Variants in SPATA16 observed in about 807,000 individuals in gnomAD.
SPATA16 encodes the protein spermatogenesis associated 16, also known as spermatogenesis-associated protein 16.
SPATA16 carries 36 observed loss-of-function variants against 63.3 expected under a neutral mutation model. That is an observed-to-expected ratio of 0.57 (90% CI 0.44 to 0.75). The LOEUF (loss-of-function observed/expected upper bound fraction) is 0.75, where lower values mean the gene tolerates loss of function less well. Ranked by LOEUF, SPATA16 falls within the 30% of genes least tolerant of loss-of-function variation. The pLI is 0.00. For missense variants in SPATA16, 646 were observed against 679.3 expected (o/e 0.95, Z 0.54); for synonymous variants, 203 against 216.7 (o/e 0.94, Z 0.56).
At position 173,104,294 on chromosome 3, in the gene SPATA16, A is replaced by C. The variant is rs528006027; in HGVS notation, c.612+12826T>G. On this transcript the variant is annotated intron_variant, in intron 2 of 10. Transcript: ENST00000351008. ...AACCTCTGCTCATTACCCGGTTCCA[A>C]AGTCGCTTCCACAATTTTAGTTATC... Among the ~76,000 whole-genome samples, 44 of 152,264 alleles carry C rather than the reference A, an allele frequency of 2.9e-4. 1 individual carries two copies. The South Asian group carries it at 9.1e-3, about 32-fold the overall frequency.
At chr3:173,087,504 C>T (rs1187289525) in intron 2 of SPATA16, among the ~76,000 whole-genome samples, 5 of 152,090 alleles carry the variant, frequency 3.3e-5, no homozygotes, top group Non-Finnish European at 5.9e-5. Flanking sequence ...TTTTAATTGG[C>T]ACATTTAGCC....
At chr3:173,038,101 C>T (rs1423850983) in intron 3 of SPATA16, among the ~76,000 whole-genome samples, 3 of 151,984 alleles carry the variant, frequency 2.0e-5, no homozygotes. Context: ...CAAGAGATTT[C>T]TATCTGGAAA....
Position 173,117,812 on chromosome 3 carries a change from A to G in SPATA16, c.-18-63T>C, listed in dbSNP as rs545563544. 6 of 1,609,564 alleles carry G rather than the reference A, an allele frequency of 3.7e-6. No individual in the cohort carries two copies. The South Asian group carries it at 5.5e-5, about 15-fold the overall frequency. ...ATTTTGAATTCCAGTGGTTTAGACT[A>G]TAGTCAAATTCATTTTAAACACTAT... is the stretch of plus-strand genomic sequence containing the variant. On this transcript the variant is annotated intron_variant, in intron 1 of 10. Coordinates refer to ENST00000351008, the MANE Select transcript of SPATA16 (RefSeq NM_031955.6).
intron 2 of SPATA16, among the ~76,000 whole-genome samples, chr3:173,056,767 A>AT (rs1159642503): frequency 2.0e-5 from 3 of 150,278 alleles, no homozygotes; most frequent in Non-Finnish European, 4.4e-5. Flanking sequence ...GGACATAATC[A>AT]TTTTTTCTGT....
chr3:172,979,367 T>G (rs1269788757), intron 4 of SPATA16, among the ~76,000 whole-genome samples: 1 of 152,148 alleles, frequency 6.6e-6, no homozygotes, highest in East Asian at 1.9e-4. Context: ...CTGAGCAGAG[T>G]CCAGTAACTA....
intron 2 of SPATA16, among the ~76,000 whole-genome samples, chr3:173,105,890 T>C (rs1254473963): frequency 6.6e-6 from 1 of 152,010 alleles, no homozygotes; most frequent in Admixed American, 6.6e-5. Context: ...GATAGAGATA[T>C]ATCTGGATAC....
chr3:173,031,824 CAGTTT>C (rs547158129), intron 3 of SPATA16, among the ~76,000 whole-genome samples: 19 of 151,938 alleles, frequency 1.3e-4, no homozygotes, highest in Non-Finnish European at 2.4e-4. Flanking sequence ...TTCATGCAGT[CAGTTT>C]AAATATCTTC....
chr3:172,951,100 T>G (rs1374601033), intron 6 of SPATA16, among the ~76,000 whole-genome samples: 2 of 152,304 alleles, frequency 1.3e-5, no homozygotes, highest in East Asian at 3.9e-4. Context: ...CTGGGGCTGG[T>G]AAATTATTAT....
At chr3:172,924,176 A>C (rs1173613255) in intron 8 of SPATA16, 32 bp downstream of exon 8, 2 of 1,503,226 alleles carry the variant, frequency 1.3e-6, no homozygotes, top group African/African-American at 2.8e-5. Context: ...ATATTTGTAC[A>C]TTGGACAAAT....
At chr3:172,965,090 G>A (rs1177471741) in intron 5 of SPATA16, among the ~76,000 whole-genome samples, 1 of 152,192 alleles carries the variant, frequency 6.6e-6, no homozygotes, top group Non-Finnish European at 1.5e-5. Flanking sequence ...CGTTGGCGAA[G>A]TGCTGTAGAT....
At chr3:173,081,184 G>A (rs1736914211) in intron 2 of SPATA16, among the ~76,000 whole-genome samples, 1 of 152,156 alleles carries the variant, frequency 6.6e-6, no homozygotes. Context: ...CAGATGCCTG[G>A]CAGTGACCAG....
intron 10 of SPATA16, among the ~76,000 whole-genome samples, chr3:172,907,545 G>A (rs969982667): frequency 4.6e-5 from 7 of 151,064 alleles, no homozygotes; most frequent in African/African-American, 1.5e-4. Context: ...CCTTGTGCAT[G>A]TTGGCACACT....
intron 10 of SPATA16, 56 bp downstream of exon 10, chr3:172,913,605 A>C: frequency 6.4e-7 from 1 of 1,558,414 alleles, no homozygotes; most frequent in Non-Finnish European, 8.8e-7. Flanking sequence ...ATTTGACCCA[A>C]AATGGACATT....
intron 3 of SPATA16, among the ~76,000 whole-genome samples, chr3:173,028,005 C>A (rs867488278): frequency 1.7e-5 from 1 of 58,396 alleles, no homozygotes; most frequent in Non-Finnish European, 3.0e-5. Flanking sequence ...CTCCCTCCCT[C>A]CCTCCCTCCC....
At chr3:172,985,488 C>T (rs530557887) in intron 4 of SPATA16, among the ~76,000 whole-genome samples, 1 of 152,244 alleles carries the variant, frequency 6.6e-6, no homozygotes, top group Non-Finnish European at 1.5e-5. Context: ...ATATGACATC[C>T]ATATTTAGCA....
At chr3:173,122,641 T>G (rs1359452806) in intron 1 of SPATA16, among the ~76,000 whole-genome samples, 2 of 152,210 alleles carry the variant, frequency 1.3e-5, no homozygotes, top group Non-Finnish European at 2.9e-5. Flanking sequence ...AAAATATTTC[T>G]TCAATCCAAT....
At chr3:172,943,653 T>C (rs1477015888) in intron 6 of SPATA16, among the ~76,000 whole-genome samples, 2 of 152,244 alleles carry the variant, frequency 1.3e-5, no homozygotes, top group East Asian at 1.9e-4. Flanking sequence ...GGTACGAGAA[T>C]TGCTTGAACC....
chr3:173,030,831 G>A (rs540959068), intron 3 of SPATA16, among the ~76,000 whole-genome samples: 4 of 152,140 alleles, frequency 2.6e-5, no homozygotes, highest in South Asian at 4.1e-4. Context: ...GCAACCCAAC[G>A]TCCATTGATG....
At chr3:173,074,063 T>A (rs1343557109) in intron 2 of SPATA16, among the ~76,000 whole-genome samples, 1 of 152,224 alleles carries the variant, frequency 6.6e-6, no homozygotes, top group Non-Finnish European at 1.5e-5. Flanking sequence ...CCCCATTGTT[T>A]TGGCCAATTT....
Sources: allele counts gnomAD v4.1 joint callset (sites outside exome capture counted in the v4.1 genomes callset), GRCh38; gene constraint gnomAD v4.1.1; transcripts MANE v1.5; gene names NCBI Gene and HGNC (gene_info 2026-07-23, HGNC 2026-07-21).